CDC42BPA: variants seen among roughly 807,000 people sequenced by gnomAD.
CDC42BPA encodes the protein serine/threonine-protein kinase MRCK alpha.
CDC42BPA carries 80 observed loss-of-function variants against 223.5 expected under a neutral mutation model. The ratio of observed to expected loss-of-function variants is 0.36; its 90% CI spans 0.30 to 0.43. CDC42BPA has a LOEUF of 0.43. CDC42BPA is among the 20% of genes least tolerant of loss of function. The probability of loss-of-function intolerance (pLI) is 1.00; values close to 1 mark genes in which losing one functional copy is unlikely to be tolerated. For missense variants in CDC42BPA, 1,743 were observed against 2,099.9 expected, an observed-to-expected ratio of 0.83 and a Z score of 3.32; for synonymous variants, 694 against 718.6, an observed-to-expected ratio of 0.97 and a Z score of 0.55.
rs1661098017 is a variant in CDC42BPA at position 226,994,179 on chromosome 1, C to T, written c.*89G>A. The stretch of plus-strand genomic sequence containing the variant: ...CTGCCAGCCCCTGGTGGCTTTCAGG[C>T]CGAGCAGGCGAGGTGGAGGGAAGAG... On this transcript the variant is annotated 3_prime_UTR_variant, in exon 37 of 37. Transcript: ENST00000366766. The surrounding 1 kb of genome is among the most constrained non-coding windows in gnomAD (Gnocchi z 4.0). The T allele has an allele frequency of 2.2e-6, 3 of 1,361,650 alleles. No homozygotes were observed. Among genetic ancestry groups the T allele is most frequent in the African/African-American group, 2.9e-5 (2 of 68,270 alleles). The allele number at this position is 1,361,650 out of a possible 1,614,324, so 84.3% of individuals were successfully genotyped here.
chr1:227,063,044 C>G (rs766779496), intron 21 of CDC42BPA, among the ~76,000 whole-genome samples: 1 of 152,124 alleles, frequency 6.6e-6, no homozygotes, highest in Middle Eastern at 3.2e-3. Context: ...ACTATCACCA[C>G]AGCAATGATT....
chr1:227,229,710 C>T (rs1677476360), intron 2 of CDC42BPA, among the ~76,000 whole-genome samples: 1 of 152,158 alleles, frequency 6.6e-6, no homozygotes, highest in African/African-American at 2.4e-5. Context: ...TTTAAAGATA[C>T]TGCTGCCGGG....
At chr1:227,286,100 C>A (rs1476772779) in intron 1 of CDC42BPA, among the ~76,000 whole-genome samples, 1 of 152,230 alleles carries the variant, frequency 6.6e-6, no homozygotes, top group Non-Finnish European at 1.5e-5. Context: ...CTCTCTCTAG[C>A]AAGTGGTTGC....
intron 1 of CDC42BPA, among the ~76,000 whole-genome samples, chr1:227,256,875 A>C (rs1192178721): frequency 6.6e-6 from 1 of 151,926 alleles, no homozygotes; most frequent in Non-Finnish European, 1.5e-5. Context: ...TATTCGCAGT[A>C]GCCAAAAGGT....
At chr1:227,218,398 TTAATAA>T (rs1451099524) in intron 2 of CDC42BPA, among the ~76,000 whole-genome samples, 2 of 152,206 alleles carry the variant, frequency 1.3e-5, no homozygotes, top group South Asian at 2.1e-4. Flanking sequence ...TCATTTATGA[TTAATAA>T]TAATAACAAA....
intron 5 of CDC42BPA, among the ~76,000 whole-genome samples, chr1:227,166,985 C>T (rs1444017861): frequency 2.0e-5 from 3 of 151,974 alleles, no homozygotes; most frequent in Admixed American, 2.0e-4. Context: ...ACCCACAAAC[C>T]CAAAAGGTTC....
chr1:227,314,578 GAAATGAA>G (rs1559024154), intron 1 of CDC42BPA, among the ~76,000 whole-genome samples: 1 of 151,984 alleles, frequency 6.6e-6, no homozygotes, highest in Admixed American at 6.5e-5. Context: ...GAAATTGATA[GAAATGAA>G]GCTGAATACA....
intron 34 of CDC42BPA, among the ~76,000 whole-genome samples, chr1:227,011,732 T>C (rs937900010): frequency 1.2e-4 from 19 of 152,162 alleles, no homozygotes; most frequent in African/African-American, 4.1e-4. Context: ...ATCAAAGATA[T>C]AGAAAAAAGC....
At chr1:227,106,943 C>G (rs889174857) in intron 14 of CDC42BPA, among the ~76,000 whole-genome samples, 7 of 152,094 alleles carry the variant, frequency 4.6e-5, no homozygotes, top group African/African-American at 1.7e-4. Flanking sequence ...ATGACAGTAC[C>G]ACATTGTTTT....
chr1:227,133,964 A>AAAATGAATAAATAAAT (rs1553355371), intron 10 of CDC42BPA, among the ~76,000 whole-genome samples: 2 of 38,798 alleles, frequency 5.2e-5, no homozygotes, highest in Admixed American at 2.8e-4. Context: ...GATCAATAAA[A>AAAATGAATAAATAAAT]AAATAAATGA....
Position 227,213,194 on chromosome 1 carries a change from G to T in CDC42BPA, c.296C>A (p.Ala99Glu). 1 of 1,557,130 alleles carries T rather than the reference G, an allele frequency of 6.4e-7. No individual in the cohort carries two copies. The highest frequency in any genetic ancestry group is 8.8e-7 in the Non-Finnish European group (1 of 1,137,792). The change falls in exon 3 of 37, where the codon GCA becomes GAA. Residue 99 changes from alanine to glutamate, a missense_variant. By Grantham distance (107) the Ala-to-Glu change is moderately radical (BLOSUM62 -1). This residue lies in a region of CDC42BPA where 321 missense variants were observed against 488.7 expected (regional missense o/e 0.66). Transcript: ENST00000366766. ...TATTTTCATGGCAAACACTTTATCTGCATTTTTTAGTTTTACTACAGCAAC... is the reference window on the plus strand; with the variant it reads ...TATTTTCATGGCAAACACTTTATCTTCATTTTTTAGTTTTACTACAGCAAC... ...GEVAVVKLKN[A>E]DKVFAMKILN...
At chr1:227,112,607 T>G in intron 13 of CDC42BPA, 64 bp downstream of exon 13, 1 of 1,376,750 alleles carries the variant, frequency 7.3e-7, no homozygotes, top group East Asian at 2.4e-5. Flanking sequence ...ATTATATTAC[T>G]AGTCTCAAAA....
chr1:227,227,276 G>A (rs976750952), intron 2 of CDC42BPA, among the ~76,000 whole-genome samples: 1 of 152,026 alleles, frequency 6.6e-6, no homozygotes, highest in Admixed American at 6.6e-5. Flanking sequence ...AGTAAGGAAC[G>A]TAAGAAACAA....
At chr1:227,043,125 A>G (rs1335195123) in intron 23 of CDC42BPA, among the ~76,000 whole-genome samples, 1 of 152,110 alleles carries the variant, frequency 6.6e-6, no homozygotes, top group Non-Finnish European at 1.5e-5. Context: ...AAGAAATTAA[A>G]TTTTCTGGCC....
intron 34 of CDC42BPA, among the ~76,000 whole-genome samples, chr1:227,005,454 CT>C (rs1663829982): frequency 6.6e-6 from 1 of 152,144 alleles, no homozygotes; most frequent in Admixed American, 6.5e-5. Flanking sequence ...TAACTGAAAG[CT>C]TTTACTATGT....
chr1:227,011,156 G>T, intron 34 of CDC42BPA: 2 of 582,796 alleles, frequency 3.4e-6, no homozygotes, highest in Non-Finnish European at 5.1e-6. Flanking sequence ...AAATGGAATA[G>T]TATCTGATAT....
intron 27 of CDC42BPA, among the ~76,000 whole-genome samples, chr1:227,033,047 A>G (rs1486768759): frequency 6.6e-6 from 1 of 152,214 alleles, no homozygotes; most frequent in African/African-American, 2.4e-5. Flanking sequence ...ACACTTATCT[A>G]ATTTTCCATG....
intron 1 of CDC42BPA, among the ~76,000 whole-genome samples, chr1:227,289,730 C>A (rs923946585): frequency 6.6e-6 from 1 of 151,940 alleles, no homozygotes; most frequent in Non-Finnish European, 1.5e-5. Flanking sequence ...TGTATCATGG[C>A]AAAAAACAAC....
chr1:227,277,346 T>G (rs2148533265), intron 1 of CDC42BPA, among the ~76,000 whole-genome samples: 1 of 152,278 alleles, frequency 6.6e-6, no homozygotes, highest in African/African-American at 2.4e-5. Context: ...TCCAAACGTC[T>G]CAATATTAAA....
Sources: gnomAD v4.1 joint callset for allele counts (sites outside exome capture counted in the v4.1 genomes callset) on GRCh38, gnomAD v4.1.1 for gene constraint, gnomAD v4.1.1 regional missense constraint, Gnocchi (gnomAD v3.1) non-coding constraint, MANE v1.5 for transcripts, NCBI Gene and HGNC (gene_info 2026-07-23, HGNC 2026-07-21) for gene names.